The following LYSMD3 variants were observed in gnomAD, a reference collection of about 807,000 sequenced individuals.
The protein encoded by LYSMD3 is LysM domain containing 3, also known as lysM and putative peptidoglycan-binding domain-containing protein 3.
A neutral mutation model predicts 26.1 loss-of-function variants in LYSMD3; 13 were observed. The ratio of observed to expected loss-of-function variants is 0.50; its 90% CI spans 0.32 to 0.79. The LOEUF (loss-of-function observed/expected upper bound fraction) is 0.79, where lower values mean the gene tolerates loss of function less well. Ranked by LOEUF, LYSMD3 falls within the 30% of genes least tolerant of loss-of-function variation. The pLI, the probability that LYSMD3 is intolerant of heterozygous loss-of-function variation, is 0.03. For synonymous variants in LYSMD3, 109 were observed against 119.4 expected (o/e 0.91, Z 0.57); for missense variants, 331 against 362.5 (o/e 0.91, Z 0.71).
At chr5:90,527,128 C>T (rs1032896950) in intron 1 of LYSMD3, 4 of 151,798 alleles carry the variant, frequency 2.6e-5, no homozygotes, top group Non-Finnish European at 4.4e-5. Flanking sequence ...GAGTACCAAG[C>T]GAAACAAAAA....
In LYSMD3 at chr5:90,525,243, T is replaced by A. The variant is rs1163321593; in HGVS notation, c.47A>T (p.Gln16Leu). Reference sequence around the variant, plus strand: ...AAATGCATGTACTTGACCACTTGACTGAACTCCTGGAAGAGGAAAACTACG... The same window carrying A: ...AAATGCATGTACTTGACCACTTGACAGAACTCCTGGAAGAGGAAAACTACG... ...QNRSFPLPGV[Q>L]SSGQVHAFGN... Residue 16 changes from glutamine (Q) to leucine (L), a missense_variant, in exon 2 of 3, where the codon CAG becomes CTG. By Grantham distance (113) the Gln-to-Leu change is moderately radical. This residue lies in a region of LYSMD3 where 262 missense variants were observed against 267.3 expected (regional missense o/e 0.98). Transcript: ENST00000315948. 1 of 1,613,526 alleles carries A rather than the reference T, an allele frequency of 6.2e-7. No homozygotes were observed. The highest frequency in any genetic ancestry group is 1.7e-5 in the Admixed American group (1 of 59,944).
intron 2 of LYSMD3, among the ~76,000 whole-genome samples, chr5:90,520,861 G>C (rs905792753): frequency 6.6e-6 from 1 of 152,114 alleles, no homozygotes; most frequent in East Asian, 1.9e-4. Context: ...GGTGGTTACA[G>C]TGAGCAGAGA....
chr5:90,529,391 G>A, intron 1 of LYSMD3, 57 bp downstream of exon 1: 1 of 456,344 alleles, frequency 2.2e-6, no homozygotes, highest in Non-Finnish European at 4.4e-6. Flanking sequence ...GACGCAGCTG[G>A]GGCTCAACCC....
At position 90,516,516 on chromosome 5, in the gene LYSMD3, T is replaced by C. The variant is rs1752953811; in HGVS notation, c.*2303A>G. 6.6e-6 allele frequency: 1 copy of C among 152,128 alleles called. No homozygotes were observed. Among genetic ancestry groups the C allele is most frequent in the Non-Finnish European group, 1.5e-5 (1 of 67,940 alleles). The allele number at this position is 152,128 out of a possible 1,614,324, so 9.4% of individuals were successfully genotyped here. A position where few individuals can be genotyped will look rare whatever the true frequency, so the allele number is the denominator to read the frequency against. On this transcript the variant is annotated 3_prime_UTR_variant, in exon 3 of 3. Transcript: ENST00000315948. ...TTAAACAATAACTGTGCTTGTTAGT[T>C]ATACAAGGTAATTTGCATTTGATAT...
In LYSMD3 at chr5:90,518,584, A is replaced by C. The variant is rs772407012; in HGVS notation, c.*235T>G. The stretch of plus-strand genomic sequence containing the variant: ...CTTCCAAGTTAAGTACTTCCTAAAC[A>C]CACATTTAAATTAATTTCTGCTTGA... On this transcript the variant is annotated 3_prime_UTR_variant, in exon 3 of 3. Transcript: ENST00000315948. 1 of 415,476 alleles carries C rather than the reference A, an allele frequency of 2.4e-6. No homozygotes were observed. The highest frequency in any genetic ancestry group is 4.3e-6 in the Non-Finnish European group (1 of 234,876). 25.7% of individuals were successfully genotyped at this position (415,476 alleles called of 1,614,324 possible). A position where few individuals can be genotyped will look rare whatever the true frequency, so the allele number is the denominator to read the frequency against.
chr5:90,519,340 A>T lies in LYSMD3; in HGVS notation c.400T>A (p.Ser134Thr), dbSNP rs1460745401. The T allele has an allele frequency of 6.2e-7, 1 of 1,614,128 alleles. No homozygotes were observed. ...TGTTGTTCGGAAGAGTATTGAACAG[A>T]TGAATGACGTGAAGTCTGTCTTCCT... The part of the protein sequence containing the change: ...PKGRQTSRHS[S>T]VQYSSEQQEI... The change falls in exon 3 of 3, where the codon TCT becomes ACT. Residue 134 changes from serine (S) to threonine (T), a missense_variant. This residue lies in a region of LYSMD3 where 262 missense variants were observed against 267.3 expected (regional missense o/e 0.98). Coordinates refer to ENST00000315948, the MANE Select transcript of LYSMD3 (RefSeq NM_198273.2).
In LYSMD3 at chr5:90,525,229, C is replaced by T. The variant is rs1753192126; in HGVS notation, c.61G>A (p.Val21Ile). 2 of 1,613,836 alleles carry T rather than the reference C, an allele frequency of 1.2e-6. No individual in the cohort carries two copies. Among genetic ancestry groups the T allele is most frequent in the African/African-American group, 1.3e-5 (1 of 75,004 alleles). The part of the protein sequence containing the change: ...PLPGVQSSGQ[V>I]HAFGNCSDSD... ...TCTGAACAATTTCCAAATGCATGTA[C>T]TTGACCACTTGACTGAACTCCTGGA... Residue 21 changes from valine to isoleucine, a missense_variant, in exon 2 of 3, where the codon GTA becomes ATA. Coordinates refer to ENST00000315948, the MANE Select transcript of LYSMD3 (RefSeq NM_198273.2).
At position 90,518,538 on chromosome 5, in the gene LYSMD3, A is replaced by AT. The variant is rs777924145; in HGVS notation, c.*280dup. ...TTAAAAAAATAAAATTTAAACATGCATTTTAAGAAAAATGATACATCTTCC... is the reference window on the plus strand; with the variant it reads ...TTAAAAAAATAAAATTTAAACATGCATTTTTAAGAAAAATGATACATCTTCC... On this transcript the variant is annotated 3_prime_UTR_variant, in exon 3 of 3. Transcript: ENST00000315948. 7 of 307,402 alleles carry AT rather than the reference A, an allele frequency of 2.3e-5. No individual in the cohort carries two copies. The highest frequency in any genetic ancestry group is 9.0e-4 in the Middle Eastern group (1 of 1,114). The allele number at this position is 307,402 out of a possible 1,614,324, so 19.0% of individuals were successfully genotyped here.
Position 90,516,593 on chromosome 5 carries a change from T to C in LYSMD3, c.*2226A>G, listed in dbSNP as rs1336045812. ...AGAAACTAAAATTATTCCAAATGTATTAAATGCTTAGAAAATTCATTTCTT... is the reference window on the plus strand; with the variant it reads ...AGAAACTAAAATTATTCCAAATGTACTAAATGCTTAGAAAATTCATTTCTT... On this transcript the variant is annotated 3_prime_UTR_variant, in exon 3 of 3. Coordinates refer to ENST00000315948, the MANE Select transcript of LYSMD3 (RefSeq NM_198273.2). The C allele has an allele frequency of 6.6e-6, 1 of 152,164 alleles. No individual in the cohort carries two copies. The highest frequency in any genetic ancestry group is 1.9e-4 in the East Asian group (1 of 5,200). 9.4% of individuals were successfully genotyped at this position (152,164 alleles called of 1,614,324 possible).
intron 2 of LYSMD3, among the ~76,000 whole-genome samples, chr5:90,519,967 A>G (rs1010205128): frequency 6.0e-5 from 9 of 149,354 alleles, no homozygotes; most frequent in Non-Finnish European, 1.2e-4. Context: ...ATATCTAGGG[A>G]AAAAAAAAAC....
rs1561264364 is a variant in LYSMD3, at chr5:90,516,518, T to C, written c.*2301A>G. Reference sequence around the variant, plus strand: ...AAACAATAACTGTGCTTGTTAGTTATACAAGGTAATTTGCATTTGATATAA... The same window carrying C: ...AAACAATAACTGTGCTTGTTAGTTACACAAGGTAATTTGCATTTGATATAA... On this transcript the variant is annotated 3_prime_UTR_variant, in exon 3 of 3. Transcript: ENST00000315948. The C allele has an allele frequency of 6.6e-6, 1 of 152,134 alleles. No homozygotes were observed. The highest frequency in any genetic ancestry group is 6.5e-5 in the Admixed American group (1 of 15,278). The allele number at this position is 152,134 out of a possible 1,614,324, so 9.4% of individuals were successfully genotyped here.
In LYSMD3 at chr5:90,525,025, T is replaced by C. The variant is rs1182987698; in HGVS notation, c.255+10A>G. 3.2e-6 allele frequency: 5 copies of C among 1,558,988 alleles called. No individual in the cohort carries two copies. In the Admixed American group the frequency reaches 9.6e-5, roughly 30 times the overall value. On this transcript the variant is annotated intron_variant, in intron 2 of 2. Transcript: ENST00000315948. ...TCTTCTGAATTGCATTATGTAATAT[T>C]AAAACTTACCGTACAACAGTACTGA...
In LYSMD3 at chr5:90,519,243, C is replaced by T. The variant is rs760295066; in HGVS notation, c.497G>A (p.Arg166Gln). ...ACACTTTACTATTTGTTCTATGTCT[C>T]GGTCTACTTCTTTTAAAAAGCTACC... is the stretch of plus-strand genomic sequence containing the variant. The part of the protein sequence containing the change: ...SAGSFLKEVD[R>Q]DIEQIVKCTD... The change falls in exon 3 of 3, where the codon CGA (arginine) becomes CAA (glutamine). Residue 166 changes from arginine to glutamine, a missense_variant. Transcript: ENST00000315948. 9.3e-6 allele frequency: 15 copies of T among 1,613,860 alleles called. No individual in the cohort carries two copies. Among genetic ancestry groups the T allele is most frequent in the Non-Finnish European group, 1.2e-5 (14 of 1,179,956 alleles).
intron 2 of LYSMD3, among the ~76,000 whole-genome samples, chr5:90,522,584 CTTCAA>C (rs948938121): frequency 1.3e-5 from 2 of 152,168 alleles, no homozygotes; most frequent in Admixed American, 6.5e-5. Flanking sequence ...ATTGGATCCC[CTTCAA>C]TTCATCAGCA....
At chr5:90,525,439 C>G in intron 1 of LYSMD3, 139 bp from the exon 2 acceptor site, 1 of 909,522 alleles carries the variant, frequency 1.1e-6, no homozygotes, top group Non-Finnish European at 1.6e-6. Flanking sequence ...GGTTTAAGTT[C>G]GTTTTTTTGT....
At chr5:90,523,955 G>A (rs997738811) in intron 2 of LYSMD3, among the ~76,000 whole-genome samples, 5 of 152,012 alleles carry the variant, frequency 3.3e-5, no homozygotes, top group African/African-American at 7.2e-5. Context: ...AGAGAAAATG[G>A]GTCCAAATAG....
intron 1 of LYSMD3, among the ~76,000 whole-genome samples, chr5:90,528,886 C>T (rs757058485): frequency 3.3e-5 from 5 of 152,194 alleles, no homozygotes; most frequent in African/African-American, 4.8e-5. Context: ...GGTGTTTCGC[C>T]TTGACCTTCT....
Position 90,519,287 on chromosome 5 carries a change from A to C in LYSMD3, c.453T>G (p.Leu151=), listed in dbSNP as rs752498674. ...AGCTACCAGCTGAGTCACTGTAAGC[A>C]AGAGAATCATTAGCTGGCAAAATTT... ...QQEILPANDS[L]AYSDSAGSFL... Residue 151 remains leucine, a synonymous_variant, in exon 3 of 3, where the codon CTT becomes CTG. Coordinates refer to ENST00000315948, the MANE Select transcript of LYSMD3 (RefSeq NM_198273.2). The C allele has an allele frequency of 4.3e-6, 7 of 1,614,068 alleles. No individual in the cohort carries two copies. The East Asian group carries it at 1.3e-4, about 31-fold the overall frequency.
At chr5:90,523,191 T>C (rs1223178443) in intron 2 of LYSMD3, among the ~76,000 whole-genome samples, 1 of 152,138 alleles carries the variant, frequency 6.6e-6, no homozygotes, top group East Asian at 1.9e-4. Context: ...GATTTAATAA[T>C]GGCAAGAATT....
Sources: gnomAD v4.1 joint callset for allele counts (sites outside exome capture counted in the v4.1 genomes callset) on GRCh38, gnomAD v4.1.1 for gene constraint, gnomAD v4.1.1 regional missense constraint, MANE v1.5 for transcripts, NCBI Gene and HGNC (gene_info 2026-07-23, HGNC 2026-07-21) for gene names.